NRG3: variants seen among roughly 807,000 people sequenced by gnomAD.
The protein encoded by NRG3 is pro-neuregulin-3, membrane-bound isoform.
A neutral mutation model predicts 66.9 loss-of-function variants in NRG3; 31 were observed. That is an observed-to-expected ratio of 0.46 (90% CI 0.35 to 0.63). The LOEUF is 0.63. Among genes scored for constraint, NRG3 ranks in the 20% least tolerant of loss-of-function variants. NRG3 has a pLI of 0.00. For synonymous variants in NRG3, 393 were observed against 359.4 expected (o/e 1.09, Z -1.06); for missense variants, 910 against 878.9 (o/e 1.04, Z -0.45).
intron 1 of NRG3, among the ~76,000 whole-genome samples, chr10:82,338,540 A>T (rs2082511687): frequency 6.6e-6 from 1 of 152,226 alleles, no homozygotes; most frequent in Admixed American, 6.5e-5. Flanking sequence ...CACCCCAGGA[A>T]TCAATACAGT....
At chr10:82,535,941 C>T (rs2132695468) in intron 2 of NRG3, among the ~76,000 whole-genome samples, 1 of 143,768 alleles carries the variant, frequency 7.0e-6, no homozygotes, top group South Asian at 2.2e-4. Context: ...ACAAAAGCTA[C>T]AGCACTCTTG....
At chr10:82,432,856 G>A (rs927333595) in intron 2 of NRG3, among the ~76,000 whole-genome samples, 1 of 152,072 alleles carries the variant, frequency 6.6e-6, no homozygotes, top group Non-Finnish European at 1.5e-5. Context: ...TCCTTATCCA[G>A]TCTATCATTG....
intron 2 of NRG3, among the ~76,000 whole-genome samples, chr10:82,440,376 T>TG (rs397846298): frequency 4.0e-5 from 6 of 151,480 alleles, no homozygotes; most frequent in African/African-American, 1.5e-4. Flanking sequence ...TTTTTTTTTT[T>TG]GAACAGCCTT....
intron 1 of NRG3, among the ~76,000 whole-genome samples, chr10:82,041,495 A>C (rs1441536713): frequency 1.3e-5 from 2 of 151,880 alleles, no homozygotes; most frequent in Non-Finnish European, 2.9e-5. Flanking sequence ...TCTAAACCTA[A>C]TTGCTTGCAT....
At chr10:82,032,970 C>T (rs1185016030) in intron 1 of NRG3, among the ~76,000 whole-genome samples, 2 of 151,884 alleles carry the variant, frequency 1.3e-5, no homozygotes, top group Admixed American at 1.3e-4. Context: ...AAATAATGAC[C>T]CTCATGCTGA....
At chr10:82,260,680 C>T (rs1209963158) in intron 1 of NRG3, among the ~76,000 whole-genome samples, 1 of 152,108 alleles carries the variant, frequency 6.6e-6, no homozygotes, top group Non-Finnish European at 1.5e-5. Flanking sequence ...TTAGTCTTCT[C>T]CATTTCACTG....
At chr10:82,162,174 C>T (rs1343062765) in intron 1 of NRG3, among the ~76,000 whole-genome samples, 8 of 152,008 alleles carry the variant, frequency 5.3e-5, no homozygotes, top group Non-Finnish European at 7.4e-5. Context: ...AATTATCTGT[C>T]GAATTTAAAT....
At chr10:82,712,624 G>A (rs1384037175) in intron 2 of NRG3, among the ~76,000 whole-genome samples, 1 of 152,172 alleles carries the variant, frequency 6.6e-6, no homozygotes, top group East Asian at 1.9e-4. Flanking sequence ...CAGAGAGGCT[G>A]GATGCTCGCA....
intron 2 of NRG3, among the ~76,000 whole-genome samples, chr10:82,672,949 C>T (rs1042377897): frequency 6.6e-6 from 1 of 152,206 alleles, no homozygotes; most frequent in African/African-American, 2.4e-5. Context: ...TGGGGTTTTA[C>T]CATGTTGGCC....
intron 2 of NRG3, among the ~76,000 whole-genome samples, chr10:82,465,246 A>G (rs1023276566): frequency 6.6e-6 from 1 of 152,172 alleles, no homozygotes; most frequent in Non-Finnish European, 1.5e-5. Context: ...CATTTGCAAG[A>G]GATTTCTGGT....
intron 1 of NRG3, among the ~76,000 whole-genome samples, chr10:81,989,296 G>C (rs546200072): frequency 6.6e-6 from 1 of 152,150 alleles, no homozygotes; most frequent in Admixed American, 6.6e-5. Flanking sequence ...TAAAGCAAAA[G>C]AGTTATCAGT....
intron 2 of NRG3, among the ~76,000 whole-genome samples, chr10:82,712,561 G>A (rs1242404289): frequency 6.6e-6 from 1 of 152,186 alleles, no homozygotes; most frequent in East Asian, 1.9e-4. Context: ...TCCATAACAA[G>A]TTCTCAGGAG....
chr10:82,269,517 A>G (rs1328439572), intron 1 of NRG3, among the ~76,000 whole-genome samples: 1 of 152,088 alleles, frequency 6.6e-6, no homozygotes, highest in Non-Finnish European at 1.5e-5. Flanking sequence ...GTACTCACTG[A>G]TCATCTCCAT....
chr10:82,630,904 T>C (rs536800621), intron 2 of NRG3, among the ~76,000 whole-genome samples: 1 of 152,314 alleles, frequency 6.6e-6, no homozygotes, highest in East Asian at 1.9e-4. Flanking sequence ...TTAATTACAT[T>C]TTTGTTCACA....
intron 2 of NRG3, among the ~76,000 whole-genome samples, chr10:82,498,030 TATTC>T (rs1240616784): frequency 6.6e-6 from 1 of 152,130 alleles, no homozygotes; most frequent in East Asian, 1.9e-4. Flanking sequence ...CACTTGTATG[TATTC>T]TTTGGAAAAA....
chr10:82,596,576 G>T (rs2047293361), intron 2 of NRG3, among the ~76,000 whole-genome samples: 4 of 152,158 alleles, frequency 2.6e-5, no homozygotes, highest in Non-Finnish European at 5.9e-5. Flanking sequence ...GCAGTCCCTG[G>T]TAGTAAGGTA....
intron 2 of NRG3, among the ~76,000 whole-genome samples, chr10:82,377,457 T>C (rs79536204): frequency 0.03 from 4,516 of 150,394 alleles, 97 homozygotes; most frequent in African/African-American, 0.056. Flanking sequence ...TGTGTGTGTG[T>C]GCGCGAGCGC....
rs568158464 is a variant in NRG3 at position 82,432,772 on chromosome 10, C to T, written c.953+73904C>T. Among the ~76,000 whole-genome samples the T allele has an allele frequency of 3.5e-4, 53 of 152,208 alleles. 1 individual carries two copies. In the South Asian group the frequency reaches 9.3e-3, roughly 27 times the overall value. On this transcript the variant is annotated intron_variant, in intron 2 of 8. Transcript: ENST00000372141. ...GATGATGATGGCTTCTAGTGTCATC[C>T]GAGTCCCTGCAAAGACATAATCTCA...
chr10:82,860,212 C>T (rs1323897779), intron 3 of NRG3, among the ~76,000 whole-genome samples: 2 of 152,176 alleles, frequency 1.3e-5, no homozygotes, highest in African/African-American at 4.8e-5. Context: ...AGACAGATAA[C>T]AGTTGTCTTC....
Sources: allele counts gnomAD v4.1 joint callset (sites outside exome capture counted in the v4.1 genomes callset), GRCh38; gene constraint gnomAD v4.1.1; transcripts MANE v1.5; gene names NCBI Gene and HGNC (gene_info 2026-07-23, HGNC 2026-07-21).